The following ZNF248 variants were observed in gnomAD, a reference collection of about 807,000 sequenced individuals.
ZNF248 encodes the protein KRAB protein domain.
ZNF248 carries 20 observed loss-of-function variants against 44.3 expected under a neutral mutation model. The ratio of observed to expected loss-of-function variants is 0.45; its 90% CI spans 0.32 to 0.66. The LOEUF (loss-of-function observed/expected upper bound fraction) is 0.66. ZNF248 is among the 30% of genes least tolerant of loss of function. ZNF248 has a pLI of 0.04. For missense variants in ZNF248, 654 were observed against 677.0 expected, an observed-to-expected ratio of 0.97 and a Z score of 0.38; for synonymous variants, 224 against 229.0, an observed-to-expected ratio of 0.98 and a Z score of 0.20.
rs2055734548 is a variant in ZNF248 at position 37,831,817 on chromosome 10, G to A, written c.1538C>T (p.Thr513Ile). The A allele has an allele frequency of 6.2e-7, 1 of 1,613,388 alleles. No individual in the cohort carries two copies. The highest frequency in any genetic ancestry group is 8.5e-7 in the Non-Finnish European group (1 of 1,179,496). Residue 513 changes from threonine to isoleucine, a missense_variant, in exon 6 of 6, where the codon ACT (threonine) becomes ATT (isoleucine). By Grantham distance (89) the Thr-to-Ile change is moderately conservative. Transcript: ENST00000395867. ...VKSNLIVHQR[T>I]HTGEKPYKCN... is the part of the protein sequence containing the mutation. Reference sequence around the variant, plus strand: ...CTTATATGGTTTCTCCCCAGTGTGAGTTCTTTGATGTACAATGAGGTTTGA... The same window carrying A: ...CTTATATGGTTTCTCCCCAGTGTGAATTCTTTGATGTACAATGAGGTTTGA...
In ZNF248 at chr10:37,820,154, CCTT is replaced by C. The variant is rs534487560; in HGVS notation, c.330+12868_330+12870del. On this transcript the variant is annotated intron_variant, in intron 6 of 6. Transcript: ENST00000615949. ...CTTAATAAATCATCTATTCTTCCCT[CCTT>C]CTTAAGTCAGAATTCTTACTGTTTT... The C allele has an allele frequency of 4.9e-4, 562 of 1,136,468 alleles. No individual in the cohort carries two copies. In the African/African-American group the frequency reaches 7.5e-3, roughly 15 times the overall value. The allele number at this position is 1,136,468 out of a possible 1,614,324, so 70.4% of individuals were successfully genotyped here.
Position 37,829,967 on chromosome 10 carries a change from G to C in ZNF248, c.*1648C>G, listed in dbSNP as rs1036617465. On this transcript the variant is annotated 3_prime_UTR_variant, in exon 6 of 6. Coordinates refer to ENST00000395867, the MANE Select transcript of ZNF248 (RefSeq NM_021045.3). ...TTTAGCTCAGCAAGGATGAAGTAGGGAATGGCCATCATGTGGGCAGTGTCT... is the reference window on the plus strand; with the variant it reads ...TTTAGCTCAGCAAGGATGAAGTAGGCAATGGCCATCATGTGGGCAGTGTCT... 1 of 985,264 alleles carries C rather than the reference G, an allele frequency of 1.0e-6. No homozygotes were observed. The highest frequency in any genetic ancestry group is 1.1e-4 in the East Asian group (1 of 8,812). The allele number at this position is 985,264 out of a possible 1,614,324, so 61.0% of individuals were successfully genotyped here. A position where few individuals can be genotyped will look rare whatever the true frequency, so the allele number is the denominator to read the frequency against.
chr10:37,805,611 T>C (rs1589254261), intron 6 of ZNF248, among the ~76,000 whole-genome samples: 1 of 152,316 alleles, frequency 6.6e-6, no homozygotes, highest in Admixed American at 6.5e-5. Flanking sequence ...CAAATCGCTG[T>C]TCGCTCAAAT....
chr10:37,819,980 GCATGCTCTTATCTCTA>G, intron 6 of ZNF248: 1 of 770,922 alleles, frequency 1.3e-6, no homozygotes, highest in South Asian at 1.4e-5. Flanking sequence ...AAGCGGTCTT[GCATGCTCTTATCTCTA>G]CATGCCATCT....
At position 37,832,432 on chromosome 10, in the gene ZNF248, T is replaced by C. The variant is rs1358452093; in HGVS notation, c.923A>G (p.Asp308Gly). The C allele has an allele frequency of 6.2e-7, 1 of 1,614,040 alleles. No individual in the cohort carries two copies. The highest frequency in any genetic ancestry group is 8.5e-7 in the Non-Finnish European group (1 of 1,179,950). Residue 308 changes from aspartate (D) to glycine (G), a missense_variant, in exon 6 of 6, where the codon GAC becomes GGC. Transcript: ENST00000395867. ...CTGATGGATAATGAAAGCTGAATTG[T>C]CACAGAAGATTTCCCCATATTCATT... ...EYNEYGEIFC[D>G]NSAFIIHQGA...
Position 37,832,229 on chromosome 10 carries a change from CTG to C in ZNF248, c.1124_1125del (p.Thr375ArgfsTer6). ...TCACCACATTCAAAGGTTTTTTCTC[CTG>C]TGTGAGCTCTCCGAAGCTGGGTAAG... The part of the protein sequence containing the change: ...SHLTQLRRAH[T>X]GEKTFECGEC... On this transcript the variant is annotated frameshift_variant, in exon 6 of 6. Transcript: ENST00000395867. LOFTEE classifies it high-confidence loss of function. 1 of 1,614,044 alleles carries C rather than the reference CTG, an allele frequency of 6.2e-7. No individual in the cohort carries two copies. Among genetic ancestry groups the C allele is most frequent in the Non-Finnish European group, 8.5e-7 (1 of 1,179,942 alleles).
chr10:37,831,344 A>G lies in ZNF248; in HGVS notation c.*271T>C, dbSNP rs1249562097. 3 of 1,547,718 alleles carry G rather than the reference A, an allele frequency of 1.9e-6. No homozygotes were observed. The highest frequency in any genetic ancestry group is 2.6e-6 in the Non-Finnish European group (3 of 1,145,712). On this transcript the variant is annotated 3_prime_UTR_variant, in exon 6 of 6. Coordinates refer to ENST00000395867, the MANE Select transcript of ZNF248 (RefSeq NM_021045.3). ...ATATGGGTATAAATAAATATTGTCC[A>G]TTATATTTGCAACAAAATTTTGGTA...
intron 5 of ZNF248, among the ~76,000 whole-genome samples, chr10:37,836,220 T>C (rs2057132940): frequency 1.3e-5 from 2 of 152,138 alleles, no homozygotes; most frequent in Admixed American, 1.3e-4. Flanking sequence ...AATGGTACCC[T>C]ATCCCTACTC....
the ZNF248 span, among the ~76,000 whole-genome samples, chr10:37,767,292 C>A: frequency 2.0e-5 from 3 of 151,970 alleles, no homozygotes; most frequent in East Asian, 3.9e-4. Context: ...AGATACTCCT[C>A]GAGAAGAGCA....
intron 6 of ZNF248, among the ~76,000 whole-genome samples, chr10:37,823,362 A>T (rs1260753802): frequency 7.3e-6 from 1 of 137,310 alleles, no homozygotes; most frequent in African/African-American, 2.7e-5. Flanking sequence ...AAAAAAAAAA[A>T]GCAAATAACA....
downstream of ZNF248, among the ~76,000 whole-genome samples, chr10:37,826,322 C>T (rs2054383877): frequency 6.6e-6 from 1 of 152,122 alleles, no homozygotes; most frequent in Non-Finnish European, 1.5e-5. Flanking sequence ...TGGAAAAACA[C>T]ATTTTCAGAG....
chr10:37,772,035 G>A (rs1032930576), downstream of ZNF248, among the ~76,000 whole-genome samples: 2 of 152,200 alleles, frequency 1.3e-5, no homozygotes, highest in Admixed American at 6.5e-5. Context: ...GGGAGGCCAA[G>A]GCAGGCGGAT....
chr10:37,817,460 G>C (rs1401030963), intron 6 of ZNF248, among the ~76,000 whole-genome samples: 1 of 151,992 alleles, frequency 6.6e-6, no homozygotes, highest in African/African-American at 2.4e-5. Flanking sequence ...AACCTAGAGA[G>C]ACTCCAAGCC....
chr10:37,766,473 C>A, the ZNF248 span, among the ~76,000 whole-genome samples: 1 of 152,142 alleles, frequency 6.6e-6, no homozygotes, highest in Admixed American at 6.5e-5. Flanking sequence ...TCTACAGCCA[C>A]CACTGTTCTG....
intron 5 of ZNF248, among the ~76,000 whole-genome samples, chr10:37,837,098 A>C (rs551781784): frequency 6.6e-6 from 1 of 151,978 alleles, no homozygotes; most frequent in South Asian, 2.1e-4. Flanking sequence ...AAAAAAAAAA[A>C]AGTGTTTGTT....
At chr10:37,845,708 G>C (rs2059213639) in intron 3 of ZNF248, among the ~76,000 whole-genome samples, 1 of 151,856 alleles carries the variant, frequency 6.6e-6, no homozygotes, top group Non-Finnish European at 1.5e-5. Flanking sequence ...ACTATGAAAA[G>C]GCAGGAAGGA....
the ZNF248 span, among the ~76,000 whole-genome samples, chr10:37,765,068 C>T: frequency 6.6e-6 from 1 of 151,954 alleles, no homozygotes; most frequent in Non-Finnish European, 1.5e-5. Flanking sequence ...TCAAGAGATT[C>T]TCCTGCCTCG....
Position 37,832,050 on chromosome 10 carries a change from G to C in ZNF248, c.1305C>G (p.Pro435=), listed in dbSNP as rs1453093436. ...TTTTTCCACATTGCTTACATTCATA[G>C]GGTTTTTCTCCTGTATGTGTTCGCT... The part of the protein sequence containing the change: ...NHQRTHTGEK[P]YECKQCGKTF... The change falls in exon 6 of 6, where the codon CCC becomes CCG. Residue 435 remains proline, a synonymous_variant. Coordinates refer to ENST00000395867, the MANE Select transcript of ZNF248 (RefSeq NM_021045.3). 3.7e-6 allele frequency: 6 copies of C among 1,613,798 alleles called. No individual in the cohort carries two copies. Among genetic ancestry groups the C allele is most frequent in the Admixed American group, 3.3e-5 (2 of 59,970 alleles).
chr10:37,831,080 A>G lies in ZNF248; in HGVS notation c.*535T>C, dbSNP rs1025240937. 1 of 1,331,278 alleles carries G rather than the reference A, an allele frequency of 7.5e-7. No homozygotes were observed. 82.5% of individuals were successfully genotyped at this position (1,331,278 alleles called of 1,614,324 possible). On this transcript the variant is annotated 3_prime_UTR_variant, in exon 6 of 6. Transcript: ENST00000395867. ...TACATACACATATATAATTATGTCAACCTATAAAGACACCAATGGTATTTA... is the reference window on the plus strand; with the variant it reads ...TACATACACATATATAATTATGTCAGCCTATAAAGACACCAATGGTATTTA...
Sources: allele counts gnomAD v4.1 joint callset (sites outside exome capture counted in the v4.1 genomes callset), GRCh38; gene constraint gnomAD v4.1.1; transcripts MANE v1.5; gene names NCBI Gene and HGNC (gene_info 2026-07-23, HGNC 2026-07-21).